EPS8: variants seen among roughly 807,000 people sequenced by gnomAD.
The protein encoded by EPS8 is epidermal growth factor receptor kinase substrate 8.
A neutral mutation model predicts 103.8 loss-of-function variants in EPS8; 42 were observed. The ratio of observed to expected loss-of-function variants is 0.40; its 90% confidence interval spans 0.32 to 0.52. The LOEUF (loss-of-function observed/expected upper bound fraction) is 0.52, where lower values mean the gene tolerates loss of function less well. EPS8 is among the 20% of genes least tolerant of loss of function. EPS8 has a pLI of 0.40. For missense variants in EPS8, 969 were observed against 1,005.1 expected, an observed-to-expected ratio of 0.96 and a Z score of 0.49; for synonymous variants, 344 against 344.6, an observed-to-expected ratio of 1.00 and a Z score of 0.02.
chr12:15,628,117 G>A (rs987381734), intron 18 of EPS8, among the ~76,000 whole-genome samples: 3 of 151,728 alleles, frequency 2.0e-5, no homozygotes, highest in Non-Finnish European at 4.4e-5. Flanking sequence ...GGAGTAGGGG[G>A]TGCTAGAGAG....
At chr12:15,703,381 T>C (rs1035959574) in intron 1 of EPS8, among the ~76,000 whole-genome samples, 2 of 152,174 alleles carry the variant, frequency 1.3e-5, no homozygotes, top group Non-Finnish European at 2.9e-5. Context: ...TGTCTACCTA[T>C]GGAAGCTGCT....
chr12:15,780,099 CA>C lies in EPS8; in HGVS notation c.-22+9061del, dbSNP rs1404055533. On this transcript the variant is annotated intron_variant, in intron 1 of 20. Coordinates refer to ENST00000281172, the MANE Select transcript of EPS8 (RefSeq NM_004447.6). This position sits in a 1 kb window ranked among gnomAD's most constrained non-coding sequence, Gnocchi z 4.1. Reference sequence around the variant, plus strand: ...AATTTGTTTGCTACATAAAGAGCTACATTTAGAAGGCCATGTGACTAGAAGA... The same window carrying C: ...AATTTGTTTGCTACATAAAGAGCTACTTTAGAAGGCCATGTGACTAGAAGA... 6.6e-6 allele frequency: 1 copy of C among 152,184 alleles called. No individual in the cohort carries two copies. Among genetic ancestry groups the C allele is most frequent in the Non-Finnish European group, 1.5e-5 (1 of 68,044 alleles). The allele number at this position is 152,184 out of a possible 1,614,324, so 9.4% of individuals were successfully genotyped here.
intron 1 of EPS8, among the ~76,000 whole-genome samples, chr12:15,743,248 C>A (rs1026600976): frequency 1.3e-5 from 2 of 152,060 alleles, no homozygotes; most frequent in African/African-American, 2.4e-5. Context: ...AACCACTACT[C>A]AATGAAATAA....
intron 1 of EPS8, among the ~76,000 whole-genome samples, chr12:15,741,909 T>C (rs999664218): frequency 1.3e-5 from 2 of 152,190 alleles, no homozygotes; most frequent in African/African-American, 4.8e-5. Context: ...TTCCCCATCC[T>C]GTGTCCAAGT....
In EPS8 at chr12:15,688,476, T is replaced by G. The variant is rs1946126064; in HGVS notation, c.-21-5504A>C. Among the ~76,000 whole-genome samples, 1 of 152,110 alleles carries G rather than the reference T, an allele frequency of 6.6e-6. No individual in the cohort carries two copies. The highest frequency in any genetic ancestry group is 1.5e-5 in the Non-Finnish European group (1 of 68,014). On this transcript the variant is annotated intron_variant, in intron 1 of 20. Coordinates refer to ENST00000281172, the MANE Select transcript of EPS8 (RefSeq NM_004447.6). The surrounding 1 kb of genome is among the most constrained non-coding windows in gnomAD (Gnocchi z 5.1). The stretch of plus-strand genomic sequence containing the variant: ...AATGTTGCATTTCCCAAGACCAGCC[T>G]GGCTTGCCACGCCCCCATTTTGTGC...
At position 15,768,886 on chromosome 12, in the gene EPS8, A is replaced by G. The variant is rs563517565; in HGVS notation, c.-22+20275T>C. Among the ~76,000 whole-genome samples, 2 of 152,366 alleles carry G rather than the reference A, an allele frequency of 1.3e-5. 1 individual carries two copies. Among genetic ancestry groups the G allele is most frequent in the African/African-American group, 4.8e-5 (2 of 41,590 alleles). Reference sequence around the variant, plus strand: ...GGTTTACACACCTTTTGATTCAAAAAGAACCAAAACCATTTCTTATATATT... The same window carrying G: ...GGTTTACACACCTTTTGATTCAAAAGGAACCAAAACCATTTCTTATATATT... On this transcript the variant is annotated intron_variant, in intron 1 of 20. Transcript: ENST00000281172.
At position 15,712,780 on chromosome 12, in the gene EPS8, A is replaced by G. The variant is rs970344588; in HGVS notation, c.-21-29808T>C. 9.5e-6 allele frequency: 7 copies of G among 735,354 alleles called. No homozygotes were observed. The African/African-American group carries it at 1.3e-4, about 14-fold the overall frequency. 45.6% of individuals were successfully genotyped at this position (735,354 alleles called of 1,614,324 possible). ...GCTACATGTTTCAAGGTCTACAAAT[A>G]CCCTTTATAATAATTACGCCTTTGA... is the stretch of plus-strand genomic sequence containing the variant. On this transcript the variant is annotated intron_variant, in intron 1 of 20. Transcript: ENST00000281172.
At chr12:15,642,363 A>G (rs907200422) in intron 15 of EPS8, among the ~76,000 whole-genome samples, 5 of 152,280 alleles carry the variant, frequency 3.3e-5, no homozygotes, top group African/African-American at 1.2e-4. Flanking sequence ...ATTGCAAAAA[A>G]AAGAGATATG....
At chr12:15,634,695 A>T (rs1294435516) in intron 17 of EPS8, 1 of 398,690 alleles carries the variant, frequency 2.5e-6, no homozygotes, top group Non-Finnish European at 4.4e-6. Context: ...AATCCAAAAA[A>T]TTATATTAAA....
rs200002514 is a variant in EPS8, at chr12:15,621,365, G to A, written c.2421C>T (p.Ala807=). 9.4e-6 allele frequency: 15 copies of A among 1,602,730 alleles called. No individual in the cohort carries two copies. The highest frequency in any genetic ancestry group is 2.7e-5 in the African/African-American group (2 of 74,168). The stretch of plus-strand genomic sequence containing the variant: ...AAGATTCCACTCCTGAATCACTAGC[G>A]GCAGCACTGATTTTTTCCTGTCGTC... ...MRRRQEKISA[A]ASDSGVESFD... Residue 807 remains alanine, a synonymous_variant, in exon 21 of 21, where the codon GCC becomes GCT. Coordinates refer to ENST00000281172, the MANE Select transcript of EPS8 (RefSeq NM_004447.6).
In EPS8 at chr12:15,736,826, A is replaced by G. The variant is rs1389875606; in HGVS notation, c.-22+52335T>C. Among the ~76,000 whole-genome samples the G allele has an allele frequency of 2.0e-5, 3 of 152,186 alleles. No individual in the cohort carries two copies. The highest frequency in any genetic ancestry group is 4.4e-5 in the Non-Finnish European group (3 of 68,030). On this transcript the variant is annotated intron_variant, in intron 1 of 20. Coordinates refer to ENST00000281172, the MANE Select transcript of EPS8 (RefSeq NM_004447.6). This position sits in a 1 kb window ranked among gnomAD's most constrained non-coding sequence, Gnocchi z 4.2. ...TGTCAATACCCTCCATGGAGACACT[A>G]TATTACAGCCCCAATAAACAGTACG...
rs1191136943 is a variant in EPS8 at position 15,789,090 on chromosome 12, G to A, written c.-22+71C>T. The stretch of plus-strand genomic sequence containing the variant: ...CGCTCCGATTCCAGCACACAAAGGC[G>A]GATTTTTAAAATCGAGAAAGTCAAA... On this transcript the variant is annotated intron_variant, in intron 1 of 20. Coordinates refer to ENST00000281172, the MANE Select transcript of EPS8 (RefSeq NM_004447.6). This position sits in a 1 kb window ranked among gnomAD's most constrained non-coding sequence, Gnocchi z 6.1. The A allele has an allele frequency of 2.0e-5, 3 of 152,292 alleles. No individual in the cohort carries two copies. Among genetic ancestry groups the A allele is most frequent in the East Asian group, 3.9e-4 (2 of 5,144 alleles). The allele number at this position is 152,292 out of a possible 1,614,324, so 9.4% of individuals were successfully genotyped here. A position where few individuals can be genotyped will look rare whatever the true frequency, so the allele number is the denominator to read the frequency against.
chr12:15,665,923 A>C, intron 7 of EPS8, 31 bp from the exon 8 acceptor site: 1 of 1,607,172 alleles, frequency 6.2e-7, no homozygotes, highest in East Asian at 2.2e-5. Context: ...TAGAATTTTT[A>C]CCATCTCTAT....
At chr12:15,647,373 G>A in intron 14 of EPS8, 113 bp from the exon 15 acceptor site, 1 of 907,962 alleles carries the variant, frequency 1.1e-6, no homozygotes, top group Non-Finnish European at 1.6e-6. Context: ...ATTTTCAAGT[G>A]ACTGACCATT....
At chr12:15,774,101 C>T (rs1947182538) in intron 1 of EPS8, among the ~76,000 whole-genome samples, 1 of 151,656 alleles carries the variant, frequency 6.6e-6, no homozygotes, top group East Asian at 1.9e-4. Context: ...CAAATACTAC[C>T]TTTGAAAAAA....
intron 3 of EPS8, among the ~76,000 whole-genome samples, chr12:15,673,283 A>G (rs964998656): frequency 6.6e-6 from 1 of 152,168 alleles, no homozygotes; most frequent in African/African-American, 2.4e-5. Flanking sequence ...CCTTTTAAAG[A>G]TCCTAAAAAT....
At chr12:15,744,707 CTT>C (rs892974215) in intron 1 of EPS8, among the ~76,000 whole-genome samples, 4 of 152,110 alleles carry the variant, frequency 2.6e-5, no homozygotes, top group Admixed American at 2.6e-4. Flanking sequence ...TGGTTTCAAA[CTT>C]AAGTAATTAT....
At chr12:15,680,456 T>C (rs1228435150) in intron 3 of EPS8, among the ~76,000 whole-genome samples, 1 of 152,110 alleles carries the variant, frequency 6.6e-6, no homozygotes, top group Non-Finnish European at 1.5e-5. Context: ...GATACCCCCA[T>C]TACACAGATA....
chr12:15,640,722 G>C lies in EPS8; in HGVS notation c.1802C>G (p.Pro601Arg), dbSNP rs757545897. ...GCTCACCTGTATAGTATGAGTATAA[G>C]GTGGATCAGCACGCCCCAATCCAGA... ...PESGLGRADPPYTHTIQKQRM... is the reference protein window; with the variant it reads ...PESGLGRADPRYTHTIQKQRM... The change falls in exon 17 of 21, where the codon CCT becomes CGT. Residue 601 changes from proline to arginine, a missense_variant. Physicochemically the swap from Pro to Arg is moderately radical, Grantham distance 103. Coordinates refer to ENST00000281172, the MANE Select transcript of EPS8 (RefSeq NM_004447.6). 6.2e-7 allele frequency: 1 copy of C among 1,613,890 alleles called. No individual in the cohort carries two copies. The highest frequency in any genetic ancestry group is 1.1e-5 in the South Asian group (1 of 91,076).
Sources: allele counts gnomAD v4.1 joint callset (sites outside exome capture counted in the v4.1 genomes callset), GRCh38; gene constraint gnomAD v4.1.1; non-coding constraint Gnocchi (gnomAD v3.1); transcripts MANE v1.5; gene names NCBI Gene and HGNC (gene_info 2026-07-23, HGNC 2026-07-21).